The following TCP11L1 variants were observed in gnomAD, a reference collection of about 807,000 sequenced individuals.
The protein encoded by TCP11L1 is t-complex 11 like 1, also known as T-complex protein 11-like protein 1.
A neutral mutation model predicts 48.9 loss-of-function variants in TCP11L1; 28 were observed. That is an observed-to-expected ratio of 0.57 (90% CI 0.42 to 0.78). The LOEUF is 0.78. Ranked by LOEUF, TCP11L1 falls within the 30% of genes least tolerant of loss-of-function variation. TCP11L1 has a pLI of 0.00. For missense variants in TCP11L1, 505 were observed against 613.4 expected, an observed-to-expected ratio of 0.82 and a Z score of 1.87; for synonymous variants, 204 against 231.9, an observed-to-expected ratio of 0.88 and a Z score of 1.09.
intron 2 of TCP11L1, among the ~76,000 whole-genome samples, chr11:33,044,491 G>C (rs954511973): frequency 2.6e-5 from 4 of 152,162 alleles, no homozygotes; most frequent in Admixed American, 2.6e-4. Flanking sequence ...CTCAACTCAC[G>C]TCTTTTATGA....
chr11:33,062,031 A>G (rs1648116999), intron 7 of TCP11L1, among the ~76,000 whole-genome samples: 1 of 152,218 alleles, frequency 6.6e-6, no homozygotes, highest in Non-Finnish European at 1.5e-5. Flanking sequence ...CAGTGAGCCA[A>G]GATTGCACCA....
chr11:33,070,986 G>A (rs1244977415), intron 9 of TCP11L1, among the ~76,000 whole-genome samples: 1 of 151,150 alleles, frequency 6.6e-6, no homozygotes, highest in African/African-American at 2.4e-5. Context: ...TGGGAGACGA[G>A]GGAAACTCCA....
chr11:33,044,513 A>G lies in TCP11L1; in HGVS notation c.163+577A>G, dbSNP rs544792099. On this transcript the variant is annotated intron_variant, in intron 2 of 9. Coordinates refer to ENST00000334274, the MANE Select transcript of TCP11L1 (RefSeq NM_018393.4). ...CACGTCTTTTATGAAGAGTACCTTAAGCATTTTGAAGTGAGTCCAAAAATG... is the reference window on the plus strand; with the variant it reads ...CACGTCTTTTATGAAGAGTACCTTAGGCATTTTGAAGTGAGTCCAAAAATG... Among the ~76,000 whole-genome samples the G allele has an allele frequency of 2.0e-5, 3 of 152,220 alleles. No individual in the cohort carries two copies. The South Asian group carries it at 6.2e-4, about 31-fold the overall frequency.
intron 8 of TCP11L1, among the ~76,000 whole-genome samples, chr11:33,067,548 G>A (rs1854652846): frequency 6.6e-6 from 1 of 152,216 alleles, no homozygotes; most frequent in Non-Finnish European, 1.5e-5. Context: ...ACAGCTCTGG[G>A]CTGTCACCTA....
chr11:33,045,334 C>CA (rs1324596854), intron 2 of TCP11L1, among the ~76,000 whole-genome samples: 4 of 129,834 alleles, frequency 3.1e-5, no homozygotes, highest in African/African-American at 1.2e-4. Flanking sequence ...GTCTGGGTGA[C>CA]AAAGTAAGAC....
intron 2 of TCP11L1, among the ~76,000 whole-genome samples, chr11:33,047,973 T>C (rs572693172): frequency 1.3e-5 from 2 of 152,342 alleles, no homozygotes; most frequent in East Asian, 1.9e-4. Flanking sequence ...TTAGTAAAGA[T>C]AGAGAGTACA....
intron 1 of TCP11L1, among the ~76,000 whole-genome samples, chr11:33,043,546 A>G (rs1853900444): frequency 6.6e-6 from 1 of 152,234 alleles, no homozygotes; most frequent in African/African-American, 2.4e-5. Context: ...CAGAAATCTG[A>G]TAAATTACAA....
At chr11:33,061,870 C>A in intron 7 of TCP11L1, 144 bp downstream of exon 7, 1 of 822,250 alleles carries the variant, frequency 1.2e-6, no homozygotes, top group Non-Finnish European at 1.7e-6. Flanking sequence ...TGCTTGAGGT[C>A]AGGAGTTCAA....
Position 33,061,687 on chromosome 11 carries a change from G to T in TCP11L1, c.933G>T (p.Lys311Asn). The T allele has an allele frequency of 6.2e-7, 1 of 1,609,100 alleles. No homozygotes were observed. The highest frequency in any genetic ancestry group is 8.5e-7 in the Non-Finnish European group (1 of 1,177,186). ...PVAVQNYAYLKLLKWDHLQRP... is the reference protein window; with the variant it reads ...PVAVQNYAYLNLLKWDHLQRP... ...CTGTCCAGAATTACGCTTACCTGAA[G>T]CTTCTGAAGTGGGACCACCTCCAGA... The change falls in exon 7 of 10, where the codon AAG becomes AAT. Residue 311 changes from lysine (K) to asparagine (N), a missense_variant. Physicochemically the swap from Lys to Asn is moderately conservative, Grantham distance 94. Transcript: ENST00000334274.
chr11:33,047,638 A>G (rs11032118), intron 2 of TCP11L1, among the ~76,000 whole-genome samples: 62,435 of 152,060 alleles, frequency 0.41, 13,036 homozygotes, highest in African/African-American at 0.48. Context: ...TCTAAAGCTC[A>G]TGACTAGACT....
chr11:33,046,339 G>T (rs1266963751), intron 2 of TCP11L1, among the ~76,000 whole-genome samples: 1 of 152,214 alleles, frequency 6.6e-6, no homozygotes, highest in Non-Finnish European at 1.5e-5. Context: ...TGATGGCTTC[G>T]CCTTTGGCAT....
intron 9 of TCP11L1, 139 bp from the exon 10 acceptor site, chr11:33,072,335 T>TCCC: frequency 1.2e-6 from 1 of 801,972 alleles, no homozygotes; most frequent in Non-Finnish European, 2.1e-6. Context: ...AAGTGCAAGG[T>TCCC]GCTGTGGGTA....
chr11:33,053,607 G>A (rs1487516774), intron 2 of TCP11L1, among the ~76,000 whole-genome samples: 6 of 152,124 alleles, frequency 3.9e-5, no homozygotes, highest in Admixed American at 3.3e-4. Context: ...AACAGAGCAG[G>A]GGAAAGAGAG....
At chr11:33,063,319 C>T (rs1423641417) in intron 7 of TCP11L1, among the ~76,000 whole-genome samples, 1 of 152,098 alleles carries the variant, frequency 6.6e-6, no homozygotes, top group East Asian at 1.9e-4. Flanking sequence ...ATGTTTTTAC[C>T]TCTCTTGGTT....
chr11:33,054,244 G>A (rs1201030325), intron 2 of TCP11L1, among the ~76,000 whole-genome samples: 1 of 151,192 alleles, frequency 6.6e-6, no homozygotes, highest in African/African-American at 2.4e-5. Flanking sequence ...TTTCTTTTAG[G>A]GTAGACAGGA....
At chr11:33,070,300 A>G (rs945319774) in intron 9 of TCP11L1, among the ~76,000 whole-genome samples, 7 of 151,822 alleles carry the variant, frequency 4.6e-5, no homozygotes, top group Non-Finnish European at 8.8e-5. Flanking sequence ...GAAAGAAAGA[A>G]AAGAAAAACC....
intron 8 of TCP11L1, among the ~76,000 whole-genome samples, chr11:33,066,737 C>T (rs992280316): frequency 6.6e-6 from 1 of 152,078 alleles, no homozygotes; most frequent in Non-Finnish European, 1.5e-5. Flanking sequence ...TTATTCCTCT[C>T]CCAAAGCCAT....
At chr11:33,053,615 G>A (rs990554746) in intron 2 of TCP11L1, among the ~76,000 whole-genome samples, 1 of 152,190 alleles carries the variant, frequency 6.6e-6, no homozygotes, top group Admixed American at 6.5e-5. Context: ...AGGGGAAAGA[G>A]AGAAATCAGA....
At chr11:33,054,251 A>G (rs1481072314) in intron 2 of TCP11L1, among the ~76,000 whole-genome samples, 1 of 151,604 alleles carries the variant, frequency 6.6e-6, no homozygotes, top group Non-Finnish European at 1.5e-5. Flanking sequence ...TAGGGTAGAC[A>G]GGAGGCAGAA....
Sources: gnomAD v4.1 joint callset for allele counts (sites outside exome capture counted in the v4.1 genomes callset) on GRCh38, gnomAD v4.1.1 for gene constraint, MANE v1.5 for transcripts, NCBI Gene and HGNC (gene_info 2026-07-23, HGNC 2026-07-21) for gene names.